The following SLC6A11 variants were observed in gnomAD, a reference collection of about 807,000 sequenced individuals.
The protein encoded by SLC6A11 is solute carrier family 6 member 11, also known as sodium- and chloride-dependent GABA transporter 3.
SLC6A11 carries 25 observed loss-of-function variants against 74.8 expected under a neutral mutation model. That is an observed-to-expected ratio of 0.33 (90% CI 0.24 to 0.47). The LOEUF (loss-of-function observed/expected upper bound fraction) is 0.47, where lower values mean the gene tolerates loss of function less well. SLC6A11 is among the 20% of genes least tolerant of loss of function. SLC6A11 has a pLI of 1.00. For synonymous variants in SLC6A11, 330 were observed against 330.2 expected (o/e 1.00, Z 0.01); for missense variants, 574 against 837.0 (o/e 0.69, Z 3.88).
chr3:10,909,494 G>A (rs1695356775), intron 6 of SLC6A11, among the ~76,000 whole-genome samples: 1 of 152,188 alleles, frequency 6.6e-6, no homozygotes, highest in African/African-American at 2.4e-5. Flanking sequence ...GTTAGGGGGA[G>A]GGTCCACTCC....
chr3:10,854,456 T>G (rs1045531922), intron 5 of SLC6A11, among the ~76,000 whole-genome samples: 2 of 152,180 alleles, frequency 1.3e-5, no homozygotes, highest in South Asian at 4.1e-4. Context: ...CCATACATTC[T>G]CTCATTGTTT....
At chr3:10,833,703 T>C (rs1694328370) in intron 4 of SLC6A11, among the ~76,000 whole-genome samples, 1 of 152,206 alleles carries the variant, frequency 6.6e-6, no homozygotes, top group Admixed American at 6.5e-5. Context: ...CTCTCTGCAA[T>C]TCACTGTCCT....
At chr3:10,842,262 G>C (rs1694448279) in intron 4 of SLC6A11, among the ~76,000 whole-genome samples, 1 of 152,116 alleles carries the variant, frequency 6.6e-6, no homozygotes, top group Admixed American at 6.5e-5. Flanking sequence ...GGCATTTGTA[G>C]ATCACTCCTT....
At chr3:10,853,162 AG>A (rs540858612) in intron 5 of SLC6A11, among the ~76,000 whole-genome samples, 34 of 152,338 alleles carry the variant, frequency 2.2e-4, no homozygotes, top group African/African-American at 7.9e-4. Context: ...CCTGGCAGCC[AG>A]GGTGGGCTGC....
At chr3:10,883,731 A>G (rs1331392611) in intron 6 of SLC6A11, among the ~76,000 whole-genome samples, 2 of 152,162 alleles carry the variant, frequency 1.3e-5, no homozygotes, top group Non-Finnish European at 2.9e-5. Context: ...GATTCTAAGC[A>G]AGGACCCAAA....
At chr3:10,872,023 T>C (rs886800581) in intron 5 of SLC6A11, among the ~76,000 whole-genome samples, 7 of 152,362 alleles carry the variant, frequency 4.6e-5, no homozygotes, top group Non-Finnish European at 8.8e-5. Context: ...AAATCTCTGC[T>C]TTGTCATTTA....
chr3:10,898,014 G>A (rs929675289), intron 6 of SLC6A11, among the ~76,000 whole-genome samples: 1 of 152,226 alleles, frequency 6.6e-6, no homozygotes, highest in Admixed American at 6.5e-5. Context: ...GCCAAGGCTT[G>A]GGGCTTGCAC....
chr3:10,880,417 G>T (rs757465503), intron 6 of SLC6A11, among the ~76,000 whole-genome samples: 13 of 152,228 alleles, frequency 8.5e-5, no homozygotes, highest in Non-Finnish European at 1.8e-4. Context: ...GGGCACCTTT[G>T]TGTCTTTGGG....
At position 10,931,522 on chromosome 3, in the gene SLC6A11, A is replaced by C. The variant is rs374263005; in HGVS notation, c.1372-1629A>C. On this transcript the variant is annotated intron_variant, in intron 10 of 13. Transcript: ENST00000254488. ...GTAGTTGTCACAGATGGGAGAACCC[A>C]GGCCAGGCATGGCCCGCTGAGAGAT... Among the ~76,000 whole-genome samples the C allele has an allele frequency of 2.3e-4, 35 of 152,330 alleles. No homozygotes were observed. The East Asian group carries it at 4.2e-3, about 18-fold the overall frequency.
At chr3:10,866,077 G>A (rs1373695606) in intron 5 of SLC6A11, among the ~76,000 whole-genome samples, 3 of 152,126 alleles carry the variant, frequency 2.0e-5, no homozygotes, top group Non-Finnish European at 2.9e-5. Flanking sequence ...TAACAGCATG[G>A]GTGTGAGCTG....
chr3:10,938,430 T>G lies in SLC6A11; in HGVS notation c.*28T>G, dbSNP rs1246321462. ...GGCCACCAGCCATCTGGGGCTCTTC[T>G]TCCTTTCTTCCCCCCGTGTATGTAA... On this transcript the variant is annotated 3_prime_UTR_variant, in exon 14 of 14. Transcript: ENST00000254488. The G allele has an allele frequency of 6.4e-7, 1 of 1,562,788 alleles. No individual in the cohort carries two copies. Among genetic ancestry groups the G allele is most frequent in the Non-Finnish European group, 8.7e-7 (1 of 1,146,584 alleles).
At chr3:10,901,605 A>T (rs1695241223) in intron 6 of SLC6A11, among the ~76,000 whole-genome samples, 1 of 152,078 alleles carries the variant, frequency 6.6e-6, no homozygotes, top group African/African-American at 2.4e-5. Flanking sequence ...CACTGTTCCC[A>T]CTGGCCCTGC....
intron 11 of SLC6A11, among the ~76,000 whole-genome samples, chr3:10,933,603 A>G (rs1241523876): frequency 3.3e-5 from 5 of 152,182 alleles, no homozygotes; most frequent in African/African-American, 4.8e-5. Context: ...TCCATAGACA[A>G]CCACCTCAGG....
At chr3:10,868,145 A>C (rs934147994) in intron 5 of SLC6A11, among the ~76,000 whole-genome samples, 30 of 152,326 alleles carry the variant, frequency 2.0e-4, no homozygotes, top group African/African-American at 6.5e-4. Context: ...CGTAGATGGT[A>C]AATGCCAGCC....
At chr3:10,893,352 C>T (rs1490370947) in intron 6 of SLC6A11, among the ~76,000 whole-genome samples, 3 of 152,122 alleles carry the variant, frequency 2.0e-5, no homozygotes, top group Non-Finnish European at 2.9e-5. Flanking sequence ...CTACCTCGCC[C>T]AGAAGGGAAA....
rs1449300403 is a variant in SLC6A11 at position 10,816,412 on chromosome 3, G to A, written c.147G>A (p.Glu49=). 1.3e-6 allele frequency: 2 copies of A among 1,595,336 alleles called. No homozygotes were observed. Among genetic ancestry groups the A allele is most frequent in the South Asian group, 1.1e-5 (1 of 88,446 alleles). The change falls in exon 1 of 14, where the codon GAG becomes GAA. Residue 49 remains glutamate, a synonymous_variant. Coordinates refer to ENST00000254488, the MANE Select transcript of SLC6A11 (RefSeq NM_014229.3). The surrounding 1 kb of genome is among the most constrained non-coding windows in gnomAD (Gnocchi z 4.2). ...TCAAGCGCGACAAGGCGGTCCACGA[G>A]CGCGGCCACTGGAACAACAAGGTGG... ...PRVKRDKAVH[E]RGHWNNKVEF... is the part of the protein sequence containing the mutation.
In SLC6A11 at chr3:10,892,625, C is replaced by T. The variant is rs542042718; in HGVS notation, c.891+17530C>T. ...CTTTTATTTTCCCCCTTATGATCCA[C>T]CAGCATGGACCATGTGTTGCTGACA... On this transcript the variant is annotated intron_variant, in intron 6 of 13. Coordinates refer to ENST00000254488, the MANE Select transcript of SLC6A11 (RefSeq NM_014229.3). 5.3e-5 allele frequency among the ~76,000 whole-genome samples: 8 copies of T among 151,366 alleles called. No individual in the cohort carries two copies. The South Asian group carries it at 1.7e-3, about 32-fold the overall frequency.
At chr3:10,935,862 A>T (rs1292784051) in intron 13 of SLC6A11, among the ~76,000 whole-genome samples, 1 of 152,182 alleles carries the variant, frequency 6.6e-6, no homozygotes, top group African/African-American at 2.4e-5. Context: ...GCTTTAGGAT[A>T]CTTTCATTGT....
rs534555996 is a variant in SLC6A11 at position 10,855,436 on chromosome 3, C to T, written c.756+11090C>T. Among the ~76,000 whole-genome samples, 3 of 152,298 alleles carry T rather than the reference C, an allele frequency of 2.0e-5. No homozygotes were observed. The East Asian group carries it at 5.8e-4, about 29-fold the overall frequency. ...CACACCCTGCTGTCTTCTACTCCTG[C>T]AGGAAGCCTTCCCTGACTTCTCCCA... is the stretch of plus-strand genomic sequence containing the variant. On this transcript the variant is annotated intron_variant, in intron 5 of 13. Transcript: ENST00000254488.
Sources: allele counts gnomAD v4.1 joint callset (sites outside exome capture counted in the v4.1 genomes callset), GRCh38; gene constraint gnomAD v4.1.1; non-coding constraint Gnocchi (gnomAD v3.1); transcripts MANE v1.5; gene names NCBI Gene and HGNC (gene_info 2026-07-23, HGNC 2026-07-21).